ZNF385D: variants seen among roughly 807,000 people sequenced by gnomAD.
The protein encoded by ZNF385D is zinc finger protein 385D.
Under a neutral mutation model 35.8 loss-of-function variants are expected in ZNF385D, and 15 were observed. The observed-to-expected ratio is 0.42, with a 90% CI of 0.28 to 0.64. The LOEUF (loss-of-function observed/expected upper bound fraction) is 0.64, where lower values mean the gene tolerates loss of function less well. Ranked by LOEUF, ZNF385D falls within the 30% of genes least tolerant of loss-of-function variation. The probability of loss-of-function intolerance (pLI) is 0.23; values close to 1 mark genes in which losing one functional copy is unlikely to be tolerated. For missense variants in ZNF385D, 474 were observed against 494.6 expected (o/e 0.96, Z 0.39); for synonymous variants, 212 against 186.8 (o/e 1.13, Z -1.10).
chr3:22,143,331 G>A (rs541476851), intron 3 of ZNF385D, among the ~76,000 whole-genome samples: 5 of 151,938 alleles, frequency 3.3e-5, no homozygotes, highest in Admixed American at 6.6e-5. Context: ...TGATCTGCCC[G>A]CCTCGGCCTC....
At chr3:22,362,449 A>T (rs1026802055) in intron 2 of ZNF385D, among the ~76,000 whole-genome samples, 3 of 152,082 alleles carry the variant, frequency 2.0e-5, no homozygotes, top group African/African-American at 7.2e-5. Context: ...TCTAAGGTCA[A>T]ACTCTTCTTT....
intron 3 of ZNF385D, among the ~76,000 whole-genome samples, chr3:21,953,271 T>TC (rs1702144620): frequency 6.6e-6 from 1 of 151,838 alleles, no homozygotes; most frequent in Non-Finnish European, 1.5e-5. Context: ...ACTTTTTTTT[T>TC]TTTCCTCTAA....
chr3:22,123,323 T>C (rs1327377341), intron 3 of ZNF385D, among the ~76,000 whole-genome samples: 1 of 152,210 alleles, frequency 6.6e-6, no homozygotes, highest in Non-Finnish European at 1.5e-5. Flanking sequence ...TTTATATAAT[T>C]AGTTTTTAAA....
intron 3 of ZNF385D, among the ~76,000 whole-genome samples, chr3:22,117,323 G>A (rs958633672): frequency 3.3e-5 from 5 of 151,990 alleles, no homozygotes; most frequent in South Asian, 4.1e-4. Context: ...TCCAAGATAA[G>A]CAGGTTGCAA....
intron 2 of ZNF385D, among the ~76,000 whole-genome samples, chr3:21,597,267 G>A (rs1040183642): frequency 5.3e-5 from 8 of 151,636 alleles, no homozygotes; most frequent in African/African-American, 1.5e-4. Context: ...CATGTGACTC[G>A]AAGATCTATA....
Position 22,203,528 on chromosome 3 carries a change from G to C in ZNF385D, c.107-34493C>G, listed in dbSNP as rs138495338. 6.3e-3 allele frequency among the ~76,000 whole-genome samples: 960 copies of C among 152,228 alleles called. 6 individuals are homozygous for C. Among genetic ancestry groups the C allele is most frequent in the African/African-American group, 0.021 (892 of 41,562 alleles). On this transcript the variant is annotated intron_variant, in intron 2 of 5. Coordinates refer to the ZNF385D transcript ENST00000494108. Reference sequence around the variant, plus strand: ...AGCTTAGGTACCAGCTCAGCCACAAGGATAGAGTATCGAGGAGGCTCTTGG... The same window carrying C: ...AGCTTAGGTACCAGCTCAGCCACAACGATAGAGTATCGAGGAGGCTCTTGG...
At chr3:21,464,984 C>T (rs1419170282) in intron 4 of ZNF385D, among the ~76,000 whole-genome samples, 1 of 152,024 alleles carries the variant, frequency 6.6e-6, no homozygotes, top group Non-Finnish European at 1.5e-5. Flanking sequence ...ACCCCACTGC[C>T]GGCCAAGGAC....
chr3:22,351,456 G>GAA (rs1382606827), intron 2 of ZNF385D, among the ~76,000 whole-genome samples: 1 of 152,044 alleles, frequency 6.6e-6, no homozygotes, highest in Non-Finnish European at 1.5e-5. Flanking sequence ...CATAATTACT[G>GAA]AAATACTTGG....
intron 3 of ZNF385D, among the ~76,000 whole-genome samples, chr3:21,802,410 G>A (rs749745549): frequency 1.3e-5 from 2 of 152,090 alleles, no homozygotes; most frequent in African/African-American, 2.4e-5. Context: ...TAAGACCCCT[G>A]AAAGAGAAGG....
At chr3:21,810,874 ATAAAT>A (rs932310146) in intron 3 of ZNF385D, among the ~76,000 whole-genome samples, 3 of 151,880 alleles carry the variant, frequency 2.0e-5, no homozygotes, top group African/African-American at 7.2e-5. Flanking sequence ...AGTTGTAAAG[ATAAAT>A]TAAATGGTAA....
At chr3:21,865,536 A>G (rs1697299675) in intron 3 of ZNF385D, among the ~76,000 whole-genome samples, 1 of 152,092 alleles carries the variant, frequency 6.6e-6, no homozygotes, top group Non-Finnish European at 1.5e-5. Flanking sequence ...TTCCTTAACT[A>G]TATTGTCAAT....
At chr3:21,580,935 G>C (rs1481988220) in intron 2 of ZNF385D, among the ~76,000 whole-genome samples, 2 of 152,038 alleles carry the variant, frequency 1.3e-5, no homozygotes, top group Non-Finnish European at 1.5e-5. Context: ...TTTGTTCTGT[G>C]TTTTGGCTAA....
At chr3:21,509,225 T>A (rs1416806835) in intron 4 of ZNF385D, among the ~76,000 whole-genome samples, 2 of 152,072 alleles carry the variant, frequency 1.3e-5, no homozygotes, top group East Asian at 1.9e-4. Context: ...GTAGAAAAAA[T>A]TTGGAGCAAG....
At chr3:21,976,942 T>A (rs12629215) in intron 3 of ZNF385D, among the ~76,000 whole-genome samples, 5 of 152,102 alleles carry the variant, frequency 3.3e-5, no homozygotes, top group South Asian at 4.1e-4. Flanking sequence ...GAGCCCAGAT[T>A]GTGCCACTGC....
At chr3:21,693,591 T>A (rs1266984718) in intron 1 of ZNF385D, among the ~76,000 whole-genome samples, 1 of 152,100 alleles carries the variant, frequency 6.6e-6, no homozygotes, top group African/African-American at 2.4e-5. Context: ...TTCTCATCCA[T>A]AAAGATGGGA....
intron 3 of ZNF385D, among the ~76,000 whole-genome samples, chr3:22,043,503 T>C (rs925735806): frequency 3.3e-5 from 5 of 152,172 alleles, no homozygotes; most frequent in Admixed American, 6.6e-5. Flanking sequence ...TTTACTTGTA[T>C]ATTGGTCAAA....
intron 2 of ZNF385D, among the ~76,000 whole-genome samples, chr3:22,302,195 A>C (rs1460864207): frequency 6.6e-6 from 1 of 152,000 alleles, no homozygotes; most frequent in Non-Finnish European, 1.5e-5. Context: ...TGACAAATTT[A>C]TCTCTAAACT....
intron 2 of ZNF385D, among the ~76,000 whole-genome samples, chr3:21,610,403 A>G (rs902829620): frequency 6.6e-6 from 1 of 152,198 alleles, no homozygotes; most frequent in African/African-American, 2.4e-5. Flanking sequence ...TTGATCCCAT[A>G]ATAGGTCTAC....
intron 3 of ZNF385D, among the ~76,000 whole-genome samples, chr3:21,842,035 GTATT>G (rs1418651563): frequency 6.6e-6 from 1 of 151,668 alleles, no homozygotes; most frequent in East Asian, 1.9e-4. Context: ...AATTGAAAAT[GTATT>G]TGTATAATTT....
Sources: gnomAD v4.1 joint callset for allele counts (sites outside exome capture counted in the v4.1 genomes callset) on GRCh38, gnomAD v4.1.1 for gene constraint, MANE v1.5 for transcripts, NCBI Gene and HGNC (gene_info 2026-07-23, HGNC 2026-07-21) for gene names.